The following FER1L6 variants were observed in gnomAD, a reference collection of about 807,000 sequenced individuals.
The protein encoded by FER1L6 is fer-1 like family member 6, also known as fer-1-like protein 6.
FER1L6 carries 177 observed loss-of-function variants against 219.2 expected under a neutral mutation model. That is an observed-to-expected ratio of 0.81 (90% CI 0.71 to 0.91). The LOEUF (loss-of-function observed/expected upper bound fraction) is 0.91. Among genes scored for constraint, FER1L6 ranks in the 40% least tolerant of loss-of-function variants. FER1L6 has a pLI of 0.00. For synonymous variants in FER1L6, 768 were observed against 824.3 expected (o/e 0.93, Z 1.17); for missense variants, 2,153 against 2,259.9 (o/e 0.95, Z 0.96).
chr8:123,963,376 C>T lies in FER1L6; in HGVS notation c.175C>T (p.Pro59Ser). 1 of 1,614,070 alleles carries T rather than the reference C, an allele frequency of 6.2e-7. No homozygotes were observed. The highest frequency in any genetic ancestry group is 1.1e-5 in the South Asian group (1 of 91,072). Residue 59 changes from proline to serine, a missense_variant, in exon 3 of 41, where the codon CCC (proline) becomes TCC (serine). By Grantham distance (74) the Pro-to-Ser change is moderately conservative. Transcript: ENST00000522917. ...VHDDASIFPV[P>S]SASPKRRSKL... Reference sequence around the variant, plus strand: ...TGATGATGCTTCTATCTTTCCTGTCCCCTCAGCTTCTCCAAAGAGAAGGTA... The same window carrying T: ...TGATGATGCTTCTATCTTTCCTGTCTCCTCAGCTTCTCCAAAGAGAAGGTA...
At chr8:124,001,124 A>G (rs1220498530) in intron 12 of FER1L6, among the ~76,000 whole-genome samples, 1 of 152,232 alleles carries the variant, frequency 6.6e-6, no homozygotes, top group Non-Finnish European at 1.5e-5. Flanking sequence ...GCCCATAGGC[A>G]GTAAATTCCC....
In FER1L6 at chr8:123,890,625, A is replaced by ATTTTTTTTTTTT. The variant is rs59914385; in HGVS notation, c.-8+38453_-8+38464dup. 6.6e-4 allele frequency among the ~76,000 whole-genome samples: 60 copies of ATTTTTTTTTTTT among 91,408 alleles called. 2 individuals carry two copies. The highest frequency in any genetic ancestry group is 7.3e-4 in the Admixed American group (5 of 6,812). The allele number at this position is 91,408 out of a possible 152,430, so 60.0% of individuals were successfully genotyped here. ...GAGCACACTAGCCATTAAAAATTTGATTTTTTTTTTTTTTTTTTTTTTTTA... is the reference window on the plus strand; with the variant it reads ...GAGCACACTAGCCATTAAAAATTTGATTTTTTTTTTTTTTTTTTTTTTTTTTTTTTTTTTTTA... On this transcript the variant is annotated intron_variant, in intron 1 of 40. Transcript: ENST00000522917.
chr8:124,048,779 C>T (rs978788883), intron 21 of FER1L6, among the ~76,000 whole-genome samples: 1 of 152,180 alleles, frequency 6.6e-6, no homozygotes, highest in African/African-American at 2.4e-5. Flanking sequence ...GAGCAGCTGG[C>T]CCAAGGGCAT....
At chr8:123,855,782 GTGTGTGTA>G (rs1816626962) in intron 1 of FER1L6, among the ~76,000 whole-genome samples, 5 of 142,696 alleles carry the variant, frequency 3.5e-5, no homozygotes, top group East Asian at 2.0e-4. Context: ...ATATATGTGT[GTGTGTGTA>G]TATATATATA....
rs1188665203 is a variant in FER1L6, at chr8:123,986,061, TCTGTAGATTGTAC to T, written c.1411-5_1418del. ...TTCTGCCTAATAATTTTGTTTTCTT[TCTGTAGATTGTAC>T]CAGAAAAAAATGAGGAATTTTTACT... On this transcript the variant is annotated splice_acceptor_variant and splice_polypyrimidine_tract_variant and coding_sequence_variant and intron_variant, in exon 12 of 41. Coordinates refer to ENST00000522917, the MANE Select transcript of FER1L6 (RefSeq NM_001039112.2). LOFTEE classifies it high-confidence loss of function. 1.3e-6 allele frequency: 2 copies of T among 1,569,736 alleles called. No homozygotes were observed. Among genetic ancestry groups the T allele is most frequent in the Admixed American group, 3.3e-5 (2 of 59,788 alleles).
At chr8:123,907,951 G>A (rs888218805) in intron 1 of FER1L6, among the ~76,000 whole-genome samples, 25 of 151,664 alleles carry the variant, frequency 1.6e-4, no homozygotes, top group African/African-American at 5.8e-4. Flanking sequence ...TTTATGTACA[G>A]CATTGGATAA....
Position 123,994,991 on chromosome 8 carries a change from G to C in FER1L6, c.1520-8176G>C, listed in dbSNP as rs528175574. On this transcript the variant is annotated intron_variant, in intron 12 of 40. Transcript: ENST00000522917. ...ATGGCCTGGATTGTGAGATTCTCTG[G>C]TGGGAGTGTATATCCCAGAGGCAAT... 2.3e-3 allele frequency among the ~76,000 whole-genome samples: 347 copies of C among 152,346 alleles called. 3 individuals carry two copies. Among genetic ancestry groups the C allele is most frequent in the Non-Finnish European group, 3.6e-3 (242 of 68,026 alleles).
intron 33 of FER1L6, 26 bp downstream of exon 33, chr8:124,082,484 C>A (rs1821600394): frequency 1.2e-6 from 2 of 1,605,366 alleles, no homozygotes; most frequent in Non-Finnish European, 1.7e-6. Flanking sequence ...CCGGGAGACA[C>A]TTGGTATTCT....
intron 31 of FER1L6, among the ~76,000 whole-genome samples, chr8:124,075,566 AG>A (rs1821248324): frequency 1.3e-5 from 2 of 152,250 alleles, no homozygotes; most frequent in Admixed American, 1.3e-4. Flanking sequence ...AAGACTAAAA[AG>A]TATAGTAAAT....
rs967324684 is a variant in FER1L6, at chr8:123,976,015, C to T, written c.801C>T (p.Thr267=). The T allele has an allele frequency of 1.9e-6, 3 of 1,614,054 alleles. No individual in the cohort carries two copies. Among genetic ancestry groups the T allele is most frequent in the Non-Finnish European group, 2.5e-6 (3 of 1,179,966 alleles). Residue 267 remains threonine, a synonymous_variant, in exon 9 of 41, where the codon ACC becomes ACT. Coordinates refer to ENST00000522917, the MANE Select transcript of FER1L6 (RefSeq NM_001039112.2). ...ATTCAAGCATCATGGCGAACGTCAC[C>T]AAGGCATTTGTGGGTGACAGTAAGG... ...KMNSSIMANV[T]KAFVGDSKDL...
chr8:123,965,971 T>C (rs1815515734), intron 3 of FER1L6, 36 bp from the exon 4 acceptor site: 1 of 1,553,714 alleles, frequency 6.4e-7, no homozygotes. Context: ...ATATTCTTCC[T>C]TGATGAAACA....
Position 124,094,944 on chromosome 8 carries a change from C to T in FER1L6, c.4601C>T (p.Ser1534Phe), listed in dbSNP as rs761813698. 2.5e-6 allele frequency: 4 copies of T among 1,614,128 alleles called. No homozygotes were observed. The South Asian group carries it at 4.4e-5, about 18-fold the overall frequency. ...CACCTGGCCCTCAAGGTTTTACACT[C>T]TTGGGAGGATATCCCGGAAGTCGGG... is the stretch of plus-strand genomic sequence containing the variant. ...YEHLALKVLH[S>F]WEDIPEVGCR... Residue 1534 changes from serine (S) to phenylalanine (F), a missense_variant, in exon 35 of 41, where the codon TCT becomes TTT. By Grantham distance (155) the Ser-to-Phe change is radical. Transcript: ENST00000522917.
chr8:123,922,856 G>A (rs1237747626), intron 1 of FER1L6, among the ~76,000 whole-genome samples: 2 of 152,046 alleles, frequency 1.3e-5, no homozygotes, highest in Admixed American at 1.3e-4. Flanking sequence ...GCTAGTAAGC[G>A]GTGGAGCCAT....
chr8:123,997,724 C>T (rs2130464165), intron 12 of FER1L6, among the ~76,000 whole-genome samples: 1 of 151,958 alleles, frequency 6.6e-6, no homozygotes, highest in African/African-American at 2.4e-5. Flanking sequence ...TCTTTTGCTT[C>T]CTCTGTGTAT....
At chr8:124,087,289 TCTGA>T (rs1418015464) in intron 33 of FER1L6, among the ~76,000 whole-genome samples, 5 of 152,156 alleles carry the variant, frequency 3.3e-5, no homozygotes, top group South Asian at 2.1e-4. Context: ...GTTTGTTTCC[TCTGA>T]CTGTGTATTT....
chr8:124,039,179 G>A (rs779449440), intron 19 of FER1L6, among the ~76,000 whole-genome samples: 17 of 152,120 alleles, frequency 1.1e-4, no homozygotes, highest in Non-Finnish European at 2.2e-4. Flanking sequence ...CTGTGATGTG[G>A]GTGCTTGTCT....
At position 123,975,885 on chromosome 8, in the gene FER1L6, G is replaced by T. The variant is rs1275630814; in HGVS notation, c.684-13G>T. 8 of 1,511,918 alleles carry T rather than the reference G, an allele frequency of 5.3e-6. No individual in the cohort carries two copies. Among genetic ancestry groups the T allele is most frequent in the African/African-American group, 2.8e-5 (2 of 71,194 alleles). 93.7% of individuals were successfully genotyped at this position (1,511,918 alleles called of 1,614,324 possible). ...TGAGAGAGCTTTTTCATTTGTTTTT[G>T]TCTCCCTCTAAGGAACCTTTTGATC... On this transcript the variant is annotated splice_polypyrimidine_tract_variant and intron_variant, in intron 8 of 40. Transcript: ENST00000522917.
chr8:124,101,330 A>G lies in FER1L6; in HGVS notation c.5117A>G (p.Asp1706Gly). 6.2e-7 allele frequency: 1 copy of G among 1,612,614 alleles called. No individual in the cohort carries two copies. Among genetic ancestry groups the G allele is most frequent in the Non-Finnish European group, 8.5e-7 (1 of 1,178,792 alleles). The change falls in exon 38 of 41, where the codon GAC becomes GGC. Residue 1706 changes from aspartate (D) to glycine (G), a missense_variant. Asp to Gly is a moderately conservative substitution (Grantham distance 94). Transcript: ENST00000522917. ...VWDFERLSSD[D>G]FLGTLEMNLN... ...GATTTTGAAAGGCTGTCCTCAGATG[A>G]CTTCCTGGGTAAGCCAGTGGCTTCA...
At chr8:124,082,557 C>T in intron 33 of FER1L6, 99 bp downstream of exon 33, 6 of 1,128,586 alleles carry the variant, frequency 5.3e-6, no homozygotes, top group Non-Finnish European at 7.6e-6. Flanking sequence ...CTAGGAAGGC[C>T]AGACCAGGCT....
Sources: allele counts gnomAD v4.1 joint callset (sites outside exome capture counted in the v4.1 genomes callset), GRCh38; gene constraint gnomAD v4.1.1; transcripts MANE v1.5; gene names NCBI Gene and HGNC (gene_info 2026-07-23, HGNC 2026-07-21).